Variants in SP4 observed in about 807,000 individuals in gnomAD.
SP4 encodes Sp4 transcription factor, also known as transcription factor Sp4.
A neutral mutation model predicts 72.8 loss-of-function variants in SP4; 19 were observed. The ratio of observed to expected loss-of-function variants is 0.26; its 90% CI spans 0.18 to 0.38. SP4 has a LOEUF of 0.38. Ranked by LOEUF, SP4 falls within the 10% of genes least tolerant of loss-of-function variation. The pLI is 1.00. For synonymous variants in SP4, 395 were observed against 333.1 expected (o/e 1.19, Z -2.02); for missense variants, 1,008 against 926.3 (o/e 1.09, Z -1.14).
intron 3 of SP4, among the ~76,000 whole-genome samples, chr7:21,449,798 T>A (rs530998612): frequency 1.3e-5 from 2 of 152,254 alleles, no homozygotes; most frequent in Non-Finnish European, 2.9e-5. Flanking sequence ...TCTGATTCCT[T>A]CAGGCTTAAG....
At chr7:21,442,146 C>G (rs1473920586) in intron 3 of SP4, among the ~76,000 whole-genome samples, 1 of 149,762 alleles carries the variant, frequency 6.7e-6, no homozygotes, top group Non-Finnish European at 1.5e-5. Context: ...TCAAGTGATT[C>G]TCCTCCCTCA....
At chr7:21,443,381 G>A (rs1333680733) in intron 3 of SP4, among the ~76,000 whole-genome samples, 1 of 152,150 alleles carries the variant, frequency 6.6e-6, no homozygotes, top group African/African-American at 2.4e-5. Flanking sequence ...ATTTAAATCT[G>A]ATTGCTTCAT....
intron 3 of SP4, among the ~76,000 whole-genome samples, chr7:21,436,474 C>T (rs891822918): frequency 6.6e-6 from 1 of 152,136 alleles, no homozygotes; most frequent in Non-Finnish European, 1.5e-5. Context: ...TTTGATACTG[C>T]TGCTAAAGTC....
chr7:21,496,237 A>C (rs983134453), intron 5 of SP4, among the ~76,000 whole-genome samples: 2 of 152,236 alleles, frequency 1.3e-5, no homozygotes, highest in African/African-American at 4.8e-5. Flanking sequence ...CAAAAAAATG[A>C]ATTTTACTGT....
chr7:21,448,315 T>C (rs1783488179), intron 3 of SP4, among the ~76,000 whole-genome samples: 1 of 152,234 alleles, frequency 6.6e-6, no homozygotes, highest in Non-Finnish European at 1.5e-5. Flanking sequence ...CAAGTACTCT[T>C]AGTAAAGAAT....
intron 3 of SP4, among the ~76,000 whole-genome samples, chr7:21,474,734 ATC>A (rs1275806526): frequency 5.3e-5 from 8 of 152,172 alleles, no homozygotes; most frequent in Non-Finnish European, 8.8e-5. Flanking sequence ...GAAACTGAGG[ATC>A]TCTGAGTGCA....
At chr7:21,507,044 A>T (rs924029715) in intron 5 of SP4, among the ~76,000 whole-genome samples, 2 of 151,760 alleles carry the variant, frequency 1.3e-5, no homozygotes, top group African/African-American at 4.8e-5. Flanking sequence ...GGTCATGTCC[A>T]CTCTCCTGAT....
intron 3 of SP4, among the ~76,000 whole-genome samples, chr7:21,462,735 C>T (rs1207157072): frequency 1.3e-5 from 2 of 152,158 alleles, no homozygotes; most frequent in Non-Finnish European, 2.9e-5. Context: ...TACACCTGGT[C>T]TTTGGGGGCC....
chr7:21,431,731 T>C (rs1292221760), intron 3 of SP4, among the ~76,000 whole-genome samples: 3 of 152,232 alleles, frequency 2.0e-5, no homozygotes, highest in African/African-American at 7.2e-5. Context: ...TTTCTAGTAA[T>C]TAAACCCTTT....
chr7:21,428,093 G>A lies in SP4; in HGVS notation c.-159G>A. 1 of 670,746 alleles carries A rather than the reference G, an allele frequency of 1.5e-6. No individual in the cohort carries two copies. Among genetic ancestry groups the A allele is most frequent in the South Asian group, 1.6e-5 (1 of 61,290 alleles). The allele number at this position is 670,746 out of a possible 1,614,324, so 41.5% of individuals were successfully genotyped here. A position where few individuals can be genotyped will look rare whatever the true frequency, so the allele number is the denominator to read the frequency against. ...AGGAGCTGCTACGCCACAGCCCAGC[G>A]GCGGCCATTCGCGGAAAAAGAGGCA... is the stretch of plus-strand genomic sequence containing the variant. On this transcript the variant is annotated 5_prime_UTR_variant, in exon 1 of 6. Transcript: ENST00000222584.
chr7:21,429,862 A>G lies in SP4; in HGVS notation c.697A>G (p.Ile233Val). The G allele has an allele frequency of 6.2e-7, 1 of 1,614,198 alleles. No homozygotes were observed. The highest frequency in any genetic ancestry group is 1.1e-5 in the South Asian group (1 of 91,080). ...GGCAAATCAGACAGTTCCGGTCCAA[A>G]TTAGACCTGGTGTTTCAATACCACT... Reference protein sequence around the residue: ...NLANQTVPVQIRPGVSIPLQL... With the variant: ...NLANQTVPVQVRPGVSIPLQL... The change falls in exon 3 of 6, where the codon ATT (isoleucine) becomes GTT (valine). Residue 233 changes from isoleucine (I) to valine (V), a missense_variant. Physicochemically the swap from Ile to Val is conservative, Grantham distance 29. Coordinates refer to ENST00000222584, the MANE Select transcript of SP4 (RefSeq NM_003112.5).
chr7:21,508,619 G>A (rs919330587), intron 5 of SP4, among the ~76,000 whole-genome samples: 3 of 151,950 alleles, frequency 2.0e-5, no homozygotes, highest in Admixed American at 6.6e-5. Flanking sequence ...GAGCCACCGC[G>A]CCCAGCCTAA....
intron 5 of SP4, among the ~76,000 whole-genome samples, chr7:21,485,458 A>T (rs1019161517): frequency 2.0e-5 from 3 of 151,816 alleles, no homozygotes; most frequent in African/African-American, 7.2e-5. Flanking sequence ...AGAGAATATC[A>T]TAGCTAACTA....
chr7:21,487,231 G>A (rs548489796), intron 5 of SP4, among the ~76,000 whole-genome samples: 1 of 152,086 alleles, frequency 6.6e-6, no homozygotes, highest in African/African-American at 2.4e-5. Flanking sequence ...TTAACGCTAA[G>A]GGCGCCTTTT....
intron 5 of SP4, among the ~76,000 whole-genome samples, chr7:21,488,850 T>C (rs1562621315): frequency 1.3e-5 from 2 of 152,288 alleles, no homozygotes; most frequent in Admixed American, 1.3e-4. Context: ...CATATAGATA[T>C]GCACACTTTT....
In SP4 at chr7:21,430,508, C is replaced by G. The variant is rs574491816; in HGVS notation, c.1343C>G (p.Ala448Gly). 1.7e-5 allele frequency: 28 copies of G among 1,614,228 alleles called. No homozygotes were observed. Among genetic ancestry groups the G allele is most frequent in the Non-Finnish European group, 2.4e-5 (28 of 1,180,048 alleles). ...QQPLQNVQLQAVNPTQVLIRA... is the reference protein window; with the variant it reads ...QQPLQNVQLQGVNPTQVLIRA... ...CCTTTACAGAATGTTCAACTTCAAG[C>G]AGTAAATCCGACTCAGGTGCTTATC... Residue 448 changes from alanine to glycine, a missense_variant, in exon 3 of 6, where the codon GCA becomes GGA. By Grantham distance (60) the Ala-to-Gly change is moderately conservative (BLOSUM62 0). This residue lies in a region of SP4 where 893 missense variants were observed against 743.3 expected (regional missense o/e 1.20). Transcript: ENST00000222584.
chr7:21,508,797 T>G (rs1782073054), intron 5 of SP4, among the ~76,000 whole-genome samples: 2 of 149,138 alleles, frequency 1.3e-5, no homozygotes, highest in African/African-American at 2.5e-5. Context: ...GTCAGGGCCT[T>G]GTCTACACAC....
intron 3 of SP4, among the ~76,000 whole-genome samples, chr7:21,440,085 A>G (rs532626974): frequency 2.6e-5 from 4 of 152,324 alleles, no homozygotes; most frequent in Middle Eastern, 3.4e-3. Context: ...ATTCGTGCAG[A>G]CCACATGTAC....
In SP4 at chr7:21,501,677, A is replaced by G. The variant is rs145452959; in HGVS notation, c.2108-9345A>G. On this transcript the variant is annotated intron_variant, in intron 5 of 5. Coordinates refer to ENST00000222584, the MANE Select transcript of SP4 (RefSeq NM_003112.5). ...TAGCCAACCCATAAATGGGTCATCAATTCCAGCATTTTCTGCCAGTTCATT... is the reference window on the plus strand; with the variant it reads ...TAGCCAACCCATAAATGGGTCATCAGTTCCAGCATTTTCTGCCAGTTCATT... Among the ~76,000 whole-genome samples the G allele has an allele frequency of 3.9e-5, 6 of 152,282 alleles. No homozygotes were observed. In the East Asian group the frequency reaches 9.7e-4, roughly 25 times the overall value.
Sources: gnomAD v4.1 joint callset for allele counts (sites outside exome capture counted in the v4.1 genomes callset) on GRCh38, gnomAD v4.1.1 for gene constraint, gnomAD v4.1.1 regional missense constraint, MANE v1.5 for transcripts, NCBI Gene and HGNC (gene_info 2026-07-23, HGNC 2026-07-21) for gene names.